Variants in NSUN6 observed in about 807,000 individuals in gnomAD.
NSUN6 encodes the protein tRNA (cytosine(72)-C(5))-methyltransferase NSUN6.
A neutral mutation model predicts 58.0 loss-of-function variants in NSUN6; 64 were observed. The observed-to-expected ratio is 1.10, with a 90% CI of 0.90 to 1.36. NSUN6 has a LOEUF of 1.36. Ranked by LOEUF, NSUN6 falls within the 40% of genes most tolerant of loss-of-function variation. The pLI, the probability that NSUN6 is intolerant of heterozygous loss-of-function variation, is 0.00. For missense variants in NSUN6, 701 were observed against 550.1 expected (o/e 1.27, Z -2.74); for synonymous variants, 231 against 193.9 (o/e 1.19, Z -1.59).
At chr10:18,584,150 G>A (rs544260363) in intron 8 of NSUN6, among the ~76,000 whole-genome samples, 1 of 152,112 alleles carries the variant, frequency 6.6e-6, no homozygotes, top group Non-Finnish European at 1.5e-5. Context: ...GGGAGTAGGG[G>A]GCACTTTCAT....
chr10:18,616,615 A>T (rs962592137), intron 3 of NSUN6, among the ~76,000 whole-genome samples: 4 of 152,248 alleles, frequency 2.6e-5, no homozygotes, highest in Admixed American at 6.5e-5. Flanking sequence ...GTCTTCAAAG[A>T]CTAAAATAGA....
At chr10:18,560,401 A>T (rs1346830685) in intron 8 of NSUN6, among the ~76,000 whole-genome samples, 1 of 151,000 alleles carries the variant, frequency 6.6e-6, no homozygotes, top group Non-Finnish European at 1.5e-5. Flanking sequence ...AATGAAATAG[A>T]GAATGAAGTG....
intron 6 of NSUN6, among the ~76,000 whole-genome samples, chr10:18,609,007 T>C (rs2058136613): frequency 6.6e-6 from 1 of 152,290 alleles, no homozygotes; most frequent in Admixed American, 6.5e-5. Context: ...AAAATGTCTG[T>C]GGGCTAAATA....
chr10:18,623,172 T>G (rs2058670892), intron 3 of NSUN6, among the ~76,000 whole-genome samples: 1 of 152,216 alleles, frequency 6.6e-6, no homozygotes, highest in Non-Finnish European at 1.5e-5. Flanking sequence ...ATTTTACATC[T>G]CATTTTAAGT....
chr10:18,588,567 C>T (rs938547920), intron 7 of NSUN6, among the ~76,000 whole-genome samples: 1 of 152,212 alleles, frequency 6.6e-6, no homozygotes, highest in Non-Finnish European at 1.5e-5. Context: ...TCAGATGAAG[C>T]TTCCAGAGGA....
chr10:18,567,275 C>G (rs1372167012), intron 8 of NSUN6, among the ~76,000 whole-genome samples: 1 of 151,578 alleles, frequency 6.6e-6, no homozygotes, highest in Non-Finnish European at 1.5e-5. Flanking sequence ...ATTCCATTCT[C>G]CATTCCATTC....
At chr10:18,558,423 T>G (rs12571045) in intron 8 of NSUN6, among the ~76,000 whole-genome samples, 4 of 147,046 alleles carry the variant, frequency 2.7e-5, no homozygotes, top group Admixed American at 1.4e-4. Context: ...GAATGGAATG[T>G]AATGGAATGG....
chr10:18,603,468 C>CT (rs1465029374), intron 6 of NSUN6, among the ~76,000 whole-genome samples: 7,304 of 149,092 alleles, frequency 0.049, 243 homozygotes, highest in Non-Finnish European at 0.07. Flanking sequence ...TTTTTCTTTT[C>CT]TTTTCTTTTC....
At chr10:18,627,390 G>A (rs1380446075) in intron 3 of NSUN6, among the ~76,000 whole-genome samples, 1 of 152,192 alleles carries the variant, frequency 6.6e-6, no homozygotes, top group Non-Finnish European at 1.5e-5. Flanking sequence ...ATGAAAAGGG[G>A]AGAAAAAAGA....
chr10:18,640,868 A>C (rs189187995), intron 3 of NSUN6, among the ~76,000 whole-genome samples: 8 of 152,094 alleles, frequency 5.3e-5, no homozygotes, highest in East Asian at 3.9e-4. Context: ...TAAAAAAAAA[A>C]AAAACAAAAA....
chr10:18,557,843 T>G (rs1329112977), intron 8 of NSUN6, among the ~76,000 whole-genome samples: 1 of 141,874 alleles, frequency 7.0e-6, no homozygotes, highest in Admixed American at 7.2e-5. Context: ...TTAAATAGAA[T>G]GGAAAATAGA....
intron 7 of NSUN6, among the ~76,000 whole-genome samples, chr10:18,595,785 T>C (rs1435015162): frequency 6.6e-6 from 1 of 152,170 alleles, no homozygotes; most frequent in African/African-American, 2.4e-5. Context: ...AAATATTCTA[T>C]ATGTATGTGT....
At chr10:18,634,720 G>A (rs1458077975) in intron 3 of NSUN6, among the ~76,000 whole-genome samples, 1 of 151,890 alleles carries the variant, frequency 6.6e-6, no homozygotes, top group Non-Finnish European at 1.5e-5. Context: ...TCCTGCCACT[G>A]CACTCCAGCC....
chr10:18,629,963 A>T (rs1369291066), intron 3 of NSUN6, among the ~76,000 whole-genome samples: 1 of 150,936 alleles, frequency 6.6e-6, no homozygotes, highest in Non-Finnish European at 1.5e-5. Flanking sequence ...TTTTTTCAGC[A>T]CCACACCACA....
At chr10:18,643,773 T>C (rs11015306) in intron 2 of NSUN6, among the ~76,000 whole-genome samples, 84,217 of 152,006 alleles carry the variant, frequency 0.55, 23,799 homozygotes, top group East Asian at 0.94. Flanking sequence ...TAATGAACTT[T>C]GATTTTTGTT....
At chr10:18,599,690 G>A (rs1056633358) in intron 6 of NSUN6, among the ~76,000 whole-genome samples, 6 of 152,148 alleles carry the variant, frequency 3.9e-5, no homozygotes, top group Middle Eastern at 3.2e-3. Context: ...AAGGAAGGCC[G>A]CCATAGGTGG....
chr10:18,653,823 A>G (rs1373066318), upstream of NSUN6, among the ~76,000 whole-genome samples: 1 of 152,072 alleles, frequency 6.6e-6, no homozygotes, highest in African/African-American at 2.4e-5. Flanking sequence ...AAGGAAAACT[A>G]CTCTATGAAT....
intron 1 of NSUN6, among the ~76,000 whole-genome samples, chr10:18,650,169 C>G (rs1194975848): frequency 6.6e-6 from 1 of 152,056 alleles, no homozygotes; most frequent in Non-Finnish European, 1.5e-5. Context: ...TTTTTGAAGA[C>G]TTACATGCCA....
chr10:18,572,706 C>T (rs527576514), intron 8 of NSUN6, among the ~76,000 whole-genome samples: 2 of 149,890 alleles, frequency 1.3e-5, no homozygotes, highest in Non-Finnish European at 3.0e-5. Context: ...TTCTCCATTC[C>T]ATTCCCTTCT....
Sources: gnomAD v4.1 joint callset for allele counts (sites outside exome capture counted in the v4.1 genomes callset) on GRCh38, gnomAD v4.1.1 for gene constraint, MANE v1.5 for transcripts, NCBI Gene and HGNC (gene_info 2026-07-23, HGNC 2026-07-21) for gene names.